Variants in PCLO observed in about 807,000 individuals in gnomAD.
PCLO encodes the protein piccolo presynaptic cytomatrix protein.
PCLO carries 82 observed loss-of-function variants against 427.5 expected under a neutral mutation model. That is an observed-to-expected ratio of 0.19 (90% CI 0.16 to 0.23). The LOEUF (loss-of-function observed/expected upper bound fraction) is 0.23. PCLO is among the 10% of genes least tolerant of loss of function. The probability of loss-of-function intolerance (pLI) is 1.00; values close to 1 mark genes in which losing one functional copy is unlikely to be tolerated. For synonymous variants in PCLO, 2,357 were observed against 2,155.4 expected, an observed-to-expected ratio of 1.09 and a Z score of -2.59; for missense variants, 6,239 against 6,115.9, an observed-to-expected ratio of 1.02 and a Z score of -0.67.
intron 9 of PCLO, among the ~76,000 whole-genome samples, chr7:82,884,212 C>G (rs887039703): frequency 1.8e-4 from 28 of 152,088 alleles, no homozygotes; most frequent in African/African-American, 6.5e-4. Flanking sequence ...ATGTACAGTT[C>G]AAAGAATGTA....
intron 22 of PCLO, among the ~76,000 whole-genome samples, chr7:82,775,332 T>G (rs142778518): frequency 1.5e-3 from 234 of 152,320 alleles, no homozygotes; most frequent in African/African-American, 5.5e-3. Context: ...CCAAAGTGGC[T>G]GTACCATTTT....
chr7:83,109,918 A>G (rs1790960367), intron 3 of PCLO, among the ~76,000 whole-genome samples: 1 of 151,940 alleles, frequency 6.6e-6, no homozygotes, highest in South Asian at 2.1e-4. Flanking sequence ...TTGCAGATAA[A>G]TCTCAAAATT....
rs1320919806 is a variant in PCLO at position 83,093,480 on chromosome 7, A to G, written c.3300+40770T>C. Among the ~76,000 whole-genome samples, 476 of 49,418 alleles carry G rather than the reference A, an allele frequency of 9.6e-3. 6 individuals are homozygous for G. Among genetic ancestry groups the G allele is most frequent in the African/African-American group, 0.026 (325 of 12,402 alleles). 32.4% of individuals were successfully genotyped at this position (49,418 alleles called of 152,430 possible). A position where few individuals can be genotyped will look rare whatever the true frequency, so the allele number is the denominator to read the frequency against. On this transcript the variant is annotated intron_variant, in intron 3 of 24. Transcript: ENST00000333891. Reference sequence around the variant, plus strand: ...CATATATATGTGTGTGTGTATAGATATATATATATATATTTTTTTTTTTTT... The same window carrying G: ...CATATATATGTGTGTGTGTATAGATGTATATATATATATTTTTTTTTTTTT...
chr7:82,971,543 CTATA>C (rs1795904585), intron 3 of PCLO, among the ~76,000 whole-genome samples: 1 of 146,234 alleles, frequency 6.8e-6, no homozygotes, highest in South Asian at 2.1e-4. Flanking sequence ...ATAGATCTAT[CTATA>C]TAATCATATA....
chr7:83,120,934 T>C (rs1356119357), intron 3 of PCLO, among the ~76,000 whole-genome samples: 1 of 152,136 alleles, frequency 6.6e-6, no homozygotes, highest in Non-Finnish European at 1.5e-5. Flanking sequence ...CAAAAATATA[T>C]ACAGAATATT....
In PCLO at chr7:82,953,788, T is replaced by C; in HGVS notation, c.7165A>G (p.Lys2389Glu). The C allele has an allele frequency of 6.3e-7, 1 of 1,591,686 alleles. No homozygotes were observed. Among genetic ancestry groups the C allele is most frequent in the Non-Finnish European group, 8.6e-7 (1 of 1,168,268 alleles). ...GAACTTCTAAAGAATGGGCGAGGTT[T>C]AGCTGGAAGAGAGGAAACAGAAGGA... is the stretch of plus-strand genomic sequence containing the variant. ...GSPSVSSLPA[K>E]PRPFFRSSSL... is the part of the protein sequence containing the mutation. The change falls in exon 5 of 25, where the codon AAA becomes GAA. Residue 2389 changes from lysine (K) to glutamate (E), a missense_variant. Coordinates refer to ENST00000333891, the MANE Select transcript of PCLO (RefSeq NM_033026.6).
At chr7:82,830,013 G>T (rs894274072) in intron 16 of PCLO, among the ~76,000 whole-genome samples, 2 of 151,572 alleles carry the variant, frequency 1.3e-5, no homozygotes, top group Non-Finnish European at 2.9e-5. Flanking sequence ...GTGAAATAAG[G>T]TTACACATTA....
At chr7:82,986,508 TTTAAA>T (rs1796260576) in intron 3 of PCLO, among the ~76,000 whole-genome samples, 1 of 152,098 alleles carries the variant, frequency 6.6e-6, no homozygotes, top group Admixed American at 6.6e-5. Flanking sequence ...CTCTTTTATA[TTTAAA>T]TTATTCATTT....
At chr7:83,040,733 C>T (rs2116209594) in intron 3 of PCLO, among the ~76,000 whole-genome samples, 1 of 152,178 alleles carries the variant, frequency 6.6e-6, no homozygotes, top group Non-Finnish European at 1.5e-5. Flanking sequence ...TACTCTATTA[C>T]AAATGATGTC....
intron 3 of PCLO, among the ~76,000 whole-genome samples, chr7:83,011,202 C>T (rs1042505459): frequency 2.0e-5 from 3 of 151,884 alleles, no homozygotes; most frequent in African/African-American, 7.3e-5. Flanking sequence ...TCAAAACTAC[C>T]ATGTGAAATT....
chr7:83,014,783 C>A (rs1788166528), intron 3 of PCLO, among the ~76,000 whole-genome samples: 2 of 152,034 alleles, frequency 1.3e-5, no homozygotes, highest in African/African-American at 2.4e-5. Context: ...GTAACTAACA[C>A]CTTTGTCCTA....
chr7:82,863,060 C>A (rs1191821937), intron 10 of PCLO, among the ~76,000 whole-genome samples: 1 of 151,964 alleles, frequency 6.6e-6, no homozygotes, highest in Admixed American at 6.6e-5. Context: ...CCCTATTCTC[C>A]ATGATGTGTT....
chr7:82,791,135 C>G (rs1456488352), intron 22 of PCLO, among the ~76,000 whole-genome samples: 1 of 151,994 alleles, frequency 6.6e-6, no homozygotes, highest in African/African-American at 2.4e-5. Flanking sequence ...ATTGGGTTCA[C>G]CAGATTTTTT....
intron 10 of PCLO, among the ~76,000 whole-genome samples, chr7:82,847,653 C>A (rs1161393347): frequency 6.6e-6 from 1 of 152,140 alleles, no homozygotes; most frequent in African/African-American, 2.4e-5. Context: ...GTATTTGGTA[C>A]TTTATCATGA....
At position 82,956,531 on chromosome 7, in the gene PCLO, T is replaced by C; in HGVS notation, c.4422A>G (p.Glu1474=). Residue 1474 remains glutamate (E), a synonymous_variant, in exon 5 of 25, where the codon GAA becomes GAG. Transcript: ENST00000333891. The part of the protein sequence containing the change: ...SEEEIKESQE[E]RKDTFKKDSQ... ...TATCTTTTTTAAAAGTGTCTTTCCT[T>C]TCTTCTTGACTCTCTTTGATCTCCT... 1 of 1,612,594 alleles carries C rather than the reference T, an allele frequency of 6.2e-7. No individual in the cohort carries two copies. The highest frequency in any genetic ancestry group is 8.5e-7 in the Non-Finnish European group (1 of 1,179,646).
intron 2 of PCLO, among the ~76,000 whole-genome samples, chr7:83,148,302 C>A (rs1343974425): frequency 4.6e-5 from 7 of 152,146 alleles, no homozygotes; most frequent in African/African-American, 1.7e-4. Context: ...TACAACCCAA[C>A]CCCATCCCTC....
rs768987696 is a variant in PCLO at position 82,794,646 on chromosome 7, T to A, written c.15007+6872A>T. 2.6e-5 allele frequency among the ~76,000 whole-genome samples: 4 copies of A among 151,498 alleles called. No homozygotes were observed. In the South Asian group the frequency reaches 8.4e-4, roughly 32 times the overall value. The stretch of plus-strand genomic sequence containing the variant: ...CGCTACCATGCCCAGCTAATTTTTG[T>A]ATTTTTTGTAGAGACGGGGTTTATG... On this transcript the variant is annotated intron_variant, in intron 22 of 24. Coordinates refer to ENST00000333891, the MANE Select transcript of PCLO (RefSeq NM_033026.6).
intron 3 of PCLO, among the ~76,000 whole-genome samples, chr7:83,070,710 A>C (rs954188709): frequency 2.0e-5 from 3 of 152,238 alleles, no homozygotes; most frequent in East Asian, 3.9e-4. Flanking sequence ...TTACACAGTA[A>C]TTTGTTACAC....
intron 3 of PCLO, among the ~76,000 whole-genome samples, chr7:83,051,048 T>C (rs986748333): frequency 6.6e-6 from 1 of 152,076 alleles, no homozygotes; most frequent in Non-Finnish European, 1.5e-5. Context: ...AAATTAGGAA[T>C]AGAGGGGAAC....
Sources: allele counts gnomAD v4.1 joint callset (sites outside exome capture counted in the v4.1 genomes callset), GRCh38; gene constraint gnomAD v4.1.1; transcripts MANE v1.5; gene names NCBI Gene and HGNC (gene_info 2026-07-23, HGNC 2026-07-21).